The following MAN1A2 variants were observed in gnomAD, a reference collection of about 807,000 sequenced individuals.
MAN1A2 encodes the protein mannosyl-oligosaccharide 1,2-alpha-mannosidase IB.
In MAN1A2, 26 loss-of-function variants were observed where a neutral mutation model predicts 75.7. That is an observed-to-expected ratio of 0.34 (90% CI 0.25 to 0.48). MAN1A2 has a LOEUF of 0.48. Among genes scored for constraint, MAN1A2 ranks in the 20% least tolerant of loss-of-function variants. MAN1A2 has a pLI of 0.99. For missense variants in MAN1A2, 562 were observed against 775.5 expected, an observed-to-expected ratio of 0.72 and a Z score of 3.27; for synonymous variants, 247 against 264.6, an observed-to-expected ratio of 0.93 and a Z score of 0.65.
At chr1:117,507,018 C>T (rs918834083) in intron 12 of MAN1A2, among the ~76,000 whole-genome samples, 12 of 151,486 alleles carry the variant, frequency 7.9e-5, no homozygotes, top group South Asian at 4.2e-4. Flanking sequence ...GTTTATTGAA[C>T]GATAAACATG....
At chr1:117,469,525 AC>A (rs1650082168) in intron 8 of MAN1A2, among the ~76,000 whole-genome samples, 1 of 151,354 alleles carries the variant, frequency 6.6e-6, no homozygotes, top group South Asian at 2.1e-4. Flanking sequence ...AAGAAAGACG[AC>A]CCACAGAATG....
chr1:117,479,103 T>A (rs543082190), intron 8 of MAN1A2, among the ~76,000 whole-genome samples: 1 of 151,840 alleles, frequency 6.6e-6, no homozygotes, highest in African/African-American at 2.4e-5. Context: ...CAGGCCCCAG[T>A]GTGTGTTGTT....
intron 12 of MAN1A2, among the ~76,000 whole-genome samples, chr1:117,513,875 ATTTAG>A (rs1378678039): frequency 6.6e-6 from 1 of 152,104 alleles, no homozygotes; most frequent in Non-Finnish European, 1.5e-5. Context: ...TATTCTTGAT[ATTTAG>A]TTTGGTTTGC....
chr1:117,458,558 T>A (rs1227923379), intron 6 of MAN1A2, among the ~76,000 whole-genome samples: 2 of 144,468 alleles, frequency 1.4e-5, no homozygotes, highest in Non-Finnish European at 1.5e-5. Flanking sequence ...AGTTTCGCTC[T>A]TGTTGCCCAA....
intron 5 of MAN1A2, among the ~76,000 whole-genome samples, chr1:117,430,028 G>A (rs1570737437): frequency 2.2e-5 from 1 of 45,208 alleles, no homozygotes; most frequent in Non-Finnish European, 4.6e-5. Flanking sequence ...GGCCGGGTGG[G>A]GGGCTGACCC....
At chr1:117,388,343 G>T (rs1653609705) in intron 1 of MAN1A2, among the ~76,000 whole-genome samples, 1 of 152,122 alleles carries the variant, frequency 6.6e-6, no homozygotes, top group African/African-American at 2.4e-5. Flanking sequence ...GTAGGCAGGG[G>T]AGACATGGTA....
chr1:117,368,963 GT>G (rs776715127), intron 1 of MAN1A2, among the ~76,000 whole-genome samples: 1 of 152,130 alleles, frequency 6.6e-6, no homozygotes, highest in Non-Finnish European at 1.5e-5. Context: ...AAGCTTAGTA[GT>G]GAGTCAGCTT....
chr1:117,413,540 T>G (rs903562587), intron 3 of MAN1A2, among the ~76,000 whole-genome samples: 2 of 151,954 alleles, frequency 1.3e-5, no homozygotes, highest in Non-Finnish European at 2.9e-5. Context: ...GGTAAGGAGA[T>G]CACTACCTCG....
At chr1:117,447,508 A>G (rs1018753995) in intron 6 of MAN1A2, among the ~76,000 whole-genome samples, 1 of 152,124 alleles carries the variant, frequency 6.6e-6, no homozygotes, top group Non-Finnish European at 1.5e-5. Flanking sequence ...AGAATTAAAT[A>G]CATTTTTTCT....
intron 6 of MAN1A2, among the ~76,000 whole-genome samples, chr1:117,444,170 A>G (rs2101815636): frequency 6.6e-6 from 1 of 152,272 alleles, no homozygotes; most frequent in South Asian, 2.1e-4. Flanking sequence ...AGGTTACTCA[A>G]TAAAGATCTA....
chr1:117,458,524 T>TAG (rs373076182), intron 6 of MAN1A2, among the ~76,000 whole-genome samples: 1 of 71,706 alleles, frequency 1.4e-5, no homozygotes, highest in African/African-American at 5.3e-5. Flanking sequence ...TATATATATA[T>TAG]TTTTTTTTTT....
chr1:117,381,610 A>G (rs1200102718), intron 1 of MAN1A2, among the ~76,000 whole-genome samples: 1 of 152,114 alleles, frequency 6.6e-6, no homozygotes, highest in Non-Finnish European at 1.5e-5. Context: ...GTTGGTTCCA[A>G]GTCTTTGCTA....
chr1:117,460,515 C>T lies in MAN1A2; in HGVS notation c.977C>T (p.Ala326Val), dbSNP rs1344002874. The T allele has an allele frequency of 1.2e-6, 2 of 1,612,588 alleles. No individual in the cohort carries two copies. Among genetic ancestry groups the T allele is most frequent in the Admixed American group, 1.7e-5 (1 of 59,668 alleles). ...KSGVGRNWGW[A>V]SAGSSILAEF... The stretch of plus-strand genomic sequence containing the variant: ...GGAGTAGGGCGAAACTGGGGCTGGG[C>T]ATCTGCAGGTAGCAGCATTCTGGCT... Residue 326 changes from alanine (A) to valine (V), a missense_variant, in exon 7 of 13, where the codon GCA becomes GTA. By Grantham distance (64) the Ala-to-Val change is moderately conservative. This residue lies in a region of MAN1A2 where 434 missense variants were observed against 645.7 expected (regional missense o/e 0.67). Transcript: ENST00000356554.
chr1:117,385,365 A>ATAT lies in MAN1A2; in HGVS notation c.303-16821_303-16820insTAT, dbSNP rs549394985. Among the ~76,000 whole-genome samples, 14 of 152,302 alleles carry ATAT rather than the reference A, an allele frequency of 9.2e-5. No individual in the cohort carries two copies. The East Asian group carries it at 2.5e-3, about 27-fold the overall frequency. On this transcript the variant is annotated intron_variant, in intron 1 of 12. Coordinates refer to ENST00000356554, the MANE Select transcript of MAN1A2 (RefSeq NM_006699.5). Reference sequence around the variant, plus strand: ...AACCTATATAGGTGAGTTCCTTGCTAAGTTCCAGGTCTCTTCCTAGATTCC... The same window carrying ATAT: ...AACCTATATAGGTGAGTTCCTTGCTATATAGTTCCAGGTCTCTTCCTAGATTCC...
intron 5 of MAN1A2, among the ~76,000 whole-genome samples, chr1:117,429,562 C>T (rs1460854454): frequency 5.9e-5 from 6 of 102,458 alleles, no homozygotes; most frequent in Admixed American, 1.8e-4. Context: ...CCGGACGGGG[C>T]GGCTGGCCGG....
At chr1:117,431,017 G>T (rs1262314728) in intron 5 of MAN1A2, among the ~76,000 whole-genome samples, 1 of 128,950 alleles carries the variant, frequency 7.8e-6, no homozygotes, top group Non-Finnish European at 1.7e-5. Context: ...AGACCGGCCC[G>T]GCCAACACAG....
At chr1:117,408,666 G>A (rs1005374532) in intron 3 of MAN1A2, among the ~76,000 whole-genome samples, 13 of 152,108 alleles carry the variant, frequency 8.5e-5, no homozygotes, top group Non-Finnish European at 7.4e-5. Flanking sequence ...AATGATTTGG[G>A]AAGTGTTTTC....
chr1:117,368,060 G>A lies in MAN1A2; in HGVS notation c.-124G>A, dbSNP rs1146297. ...ACGTGCCCTCTTAAAAAGCACAACA[G>A]TCCTTTAAGAGGAGCAAAATTGAGT... On this transcript the variant is annotated 5_prime_UTR_variant, in exon 1 of 13. Transcript: ENST00000356554. 0.77 allele frequency: 690,538 copies of A among 901,144 alleles called. 266,748 individuals are homozygous for A. The highest frequency in any genetic ancestry group is 0.92 in the African/African-American group (55,865 of 60,398). 55.8% of individuals were successfully genotyped at this position (901,144 alleles called of 1,614,324 possible).
intron 8 of MAN1A2, among the ~76,000 whole-genome samples, chr1:117,467,820 A>G (rs556838809): frequency 3.3e-5 from 5 of 152,118 alleles, no homozygotes; most frequent in African/African-American, 1.2e-4. Flanking sequence ...TAATGATATA[A>G]TAATGTATAT....
Sources: gnomAD v4.1 joint callset for allele counts (sites outside exome capture counted in the v4.1 genomes callset) on GRCh38, gnomAD v4.1.1 for gene constraint, gnomAD v4.1.1 regional missense constraint, MANE v1.5 for transcripts, NCBI Gene and HGNC (gene_info 2026-07-23, HGNC 2026-07-21) for gene names.